NUPR2: variants seen among roughly 807,000 people sequenced by gnomAD.
NUPR2 encodes nuclear protein 2.
Under a neutral mutation model 7.3 loss-of-function variants are expected in NUPR2, and 14 were observed. That is an observed-to-expected ratio of 1.93 (90% CI 1.27 to 3.01). The LOEUF (loss-of-function observed/expected upper bound fraction) is 3.01. Among genes scored for constraint, NUPR2 ranks in the 30% most tolerant of loss-of-function variants. NUPR2 has a pLI of 0.00. For missense variants in NUPR2, 162 were observed against 143.7 expected, an observed-to-expected ratio of 1.13 and a Z score of -0.65; for synonymous variants, 56 against 59.7, an observed-to-expected ratio of 0.94 and a Z score of 0.29.
At chr7:56,115,445 G>GTATATATATATATA (rs59973051) in intron 1 of NUPR2, among the ~76,000 whole-genome samples, 3 of 36,528 alleles carry the variant, frequency 8.2e-5, no homozygotes, top group African/African-American at 4.1e-4. Context: ...GTGTGTGTGT[G>GTATATATATATATA]TGTGTGTGTG....
intron 1 of NUPR2, among the ~76,000 whole-genome samples, chr7:56,115,429 T>TTTGTGTGTG (rs1554376539): frequency 3.2e-5 from 1 of 31,000 alleles, no homozygotes; most frequent in Non-Finnish European, 5.4e-5. Context: ...ATATATATAT[T>TTTGTGTGTG]TGTGTGTGTG....
chr7:56,115,428 T>TATGTATATATACA (rs58684972), intron 1 of NUPR2, among the ~76,000 whole-genome samples: 1 of 45,926 alleles, frequency 2.2e-5, no homozygotes, highest in South Asian at 6.6e-4. Flanking sequence ...TATATATATA[T>TATGTATATATACA]TTGTGTGTGT....
chr7:56,115,419 A>G (rs7456418), intron 1 of NUPR2, among the ~76,000 whole-genome samples: 120 of 14,594 alleles, frequency 8.2e-3, no homozygotes, highest in East Asian at 0.032. Flanking sequence ...ATATATATAT[A>G]TATATATATT....
At position 56,114,860 on chromosome 7, in the gene NUPR2, G is replaced by A. The variant is rs746791636; in HGVS notation, c.*44C>T. Reference sequence around the variant, plus strand: ...CCTCCTCAGAACCAAGTTACAGTTGGAGTTACAGTAAATACTTCGAACAGG... The same window carrying A: ...CCTCCTCAGAACCAAGTTACAGTTGAAGTTACAGTAAATACTTCGAACAGG... On this transcript the variant is annotated 3_prime_UTR_variant, in exon 2 of 2. Transcript: ENST00000329309. 1 of 152,196 alleles carries A rather than the reference G, an allele frequency of 6.6e-6. No individual in the cohort carries two copies. The highest frequency in any genetic ancestry group is 1.5e-5 in the Non-Finnish European group (1 of 68,040). The allele number at this position is 152,196 out of a possible 1,614,324, so 9.4% of individuals were successfully genotyped here. A position where few individuals can be genotyped will look rare whatever the true frequency, so the allele number is the denominator to read the frequency against.
chr7:56,116,181 G>A lies in NUPR2; in HGVS notation c.134C>T (p.Ala45Val). 1 of 1,548,810 alleles carries A rather than the reference G, an allele frequency of 6.5e-7. No individual in the cohort carries two copies. Among genetic ancestry groups the A allele is most frequent in the Non-Finnish European group, 8.7e-7 (1 of 1,145,940 alleles). Residue 45 changes from alanine to valine, a missense_variant, in exon 1 of 2, where the codon GCA (alanine) becomes GTA (valine). By Grantham distance (64) the Ala-to-Val change is moderately conservative. Coordinates refer to ENST00000329309, the MANE Select transcript of NUPR2 (RefSeq NM_001145712.2). Reference sequence around the variant, plus strand: ...CCGAGTCCGGCCCTTGCTGCGCCCTGCCCCGCAGGCCGGGAAGTCGCGCAG... The same window carrying A: ...CCGAGTCCGGCCCTTGCTGCGCCCTACCCCGCAGGCCGGGAAGTCGCGCAG... ...YYLRDFPACG[A>V]GRSKGRTRRE...
intron 1 of NUPR2, among the ~76,000 whole-genome samples, chr7:56,115,429 T>TATATATATATATTTG (rs1554376538): frequency 3.2e-5 from 1 of 30,998 alleles, no homozygotes; most frequent in African/African-American, 1.5e-4. Context: ...ATATATATAT[T>TATATATATATATTTG]TGTGTGTGTG....
intron 1 of NUPR2, among the ~76,000 whole-genome samples, chr7:56,115,405 A>ATATATATATATACATATG: frequency 2.8e-5 from 1 of 35,200 alleles, no homozygotes; most frequent in African/African-American, 1.8e-4. Context: ...ATATATATAT[A>ATATATATATATACATATG]TATATATATA....
chr7:56,115,935 G>C, intron 1 of NUPR2, 80 bp downstream of exon 1: 6 of 1,268,666 alleles, frequency 4.7e-6, no homozygotes, highest in Non-Finnish European at 6.2e-6. Context: ...ACTCTGCCCA[G>C]GGCGAGCAGC....
chr7:56,115,405 A>ATG (rs1785522970), intron 1 of NUPR2, among the ~76,000 whole-genome samples: 2 of 35,202 alleles, frequency 5.7e-5, no homozygotes, highest in African/African-American at 3.6e-4. Flanking sequence ...ATATATATAT[A>ATG]TATATATATA....
At chr7:56,115,421 A>ATATACATATATATACG (rs1584650186) in intron 1 of NUPR2, among the ~76,000 whole-genome samples, 11 of 24,952 alleles carry the variant, frequency 4.4e-4, no homozygotes, top group South Asian at 3.0e-3. Context: ...ATATATATAT[A>ATATACATATATATACG]TATATATTTG....
chr7:56,115,712 C>T (rs990541401), intron 1 of NUPR2, among the ~76,000 whole-genome samples: 26 of 148,470 alleles, frequency 1.8e-4, no homozygotes, highest in Non-Finnish European at 2.7e-4. Flanking sequence ...CCTTGTGATC[C>T]GCCCGCCTCG....
rs1785523575 is a variant in NUPR2 at position 56,115,409 on chromosome 7, A to ATGTG, written c.*7-513_*7-512insCACA. On this transcript the variant is annotated intron_variant, in intron 1 of 1. Coordinates refer to ENST00000329309, the MANE Select transcript of NUPR2 (RefSeq NM_001145712.2). The stretch of plus-strand genomic sequence containing the variant: ...GGCTCGATCGCATATATATATATAT[A>ATGTG]TATATATATATATATATATTTGTGT... Among the ~76,000 whole-genome samples the ATGTG allele has an allele frequency of 1.8e-4, 7 of 38,560 alleles. 2 individuals carry two copies. The highest frequency in any genetic ancestry group is 3.0e-4 in the Non-Finnish European group (7 of 23,054). 25.3% of individuals were successfully genotyped at this position (38,560 alleles called of 152,430 possible).
rs57272607 is a variant in NUPR2, at chr7:56,115,625, T to TTATATATATATATATATATATATA, written c.*6+389_*6+390insTATATATATATATATATATATATA. 1.4e-3 allele frequency among the ~76,000 whole-genome samples: 146 copies of TTATATATATATATATATATATATA among 105,186 alleles called. 1 individual carries two copies. Among genetic ancestry groups the TTATATATATATATATATATATATA allele is most frequent in the Middle Eastern group, 4.2e-3 (1 of 238 alleles). The allele number at this position is 105,186 out of a possible 152,430, so 69.0% of individuals were successfully genotyped here. On this transcript the variant is annotated intron_variant, in intron 1 of 1. Coordinates refer to ENST00000329309, the MANE Select transcript of NUPR2 (RefSeq NM_001145712.2). ...CGCGCACCACAGTGCCTGGCTAATT[T>TTATATATATATATATATATATATA]TATATATATATATATATATATATTT...
intron 1 of NUPR2, among the ~76,000 whole-genome samples, chr7:56,115,429 T>TTTGTG (rs1554376539): frequency 2.9e-4 from 9 of 30,996 alleles, no homozygotes; most frequent in South Asian, 1.1e-3. Context: ...ATATATATAT[T>TTTGTG]TGTGTGTGTG....
At chr7:56,115,420 T>TGTATATATATAC (rs1785526206) in intron 1 of NUPR2, among the ~76,000 whole-genome samples, 2 of 52,206 alleles carry the variant, frequency 3.8e-5, no homozygotes, top group Admixed American at 2.1e-4. Context: ...TATATATATA[T>TGTATATATATAC]ATATATATTT....
intron 1 of NUPR2, among the ~76,000 whole-genome samples, chr7:56,115,190 C>A (rs1785519059): frequency 6.6e-6 from 1 of 151,748 alleles, no homozygotes; most frequent in Non-Finnish European, 1.5e-5. Context: ...TCTGCCTGGG[C>A]CTCCCAAAGT....
At position 56,116,270 on chromosome 7, in the gene NUPR2, C is replaced by CA; in HGVS notation, c.44dup (p.Ala16GlyfsTer97). 1.3e-6 allele frequency: 2 copies of CA among 1,526,784 alleles called. No homozygotes were observed. The highest frequency in any genetic ancestry group is 1.8e-6 in the Non-Finnish European group (2 of 1,137,848). 94.6% of individuals were successfully genotyped at this position (1,526,784 alleles called of 1,614,324 possible). ...AGCTTATGGGTGGCGGCGGCCGAGC[C>CA]AGAGCCTGCAGACGTGGAAGCGCCC... On this transcript the variant is annotated frameshift_variant, in exon 1 of 2. Transcript: ENST00000329309. LOFTEE classifies it high-confidence loss of function.
At chr7:56,115,411 A>ATACATATG (rs1562891761) in intron 1 of NUPR2, among the ~76,000 whole-genome samples, 3 of 27,382 alleles carry the variant, frequency 1.1e-4, no homozygotes, top group African/African-American at 4.8e-4. Context: ...ATATATATAT[A>ATACATATG]TATATATATA....
chr7:56,115,622 A>AC (rs2115619425), intron 1 of NUPR2, among the ~76,000 whole-genome samples: 1 of 52,010 alleles, frequency 1.9e-5, no homozygotes, highest in East Asian at 6.6e-4. Context: ...TGCCTGGCTA[A>AC]TTTTATATAT....
Sources: allele counts gnomAD v4.1 joint callset (sites outside exome capture counted in the v4.1 genomes callset), GRCh38; gene constraint gnomAD v4.1.1; transcripts MANE v1.5; gene names NCBI Gene and HGNC (gene_info 2026-07-23, HGNC 2026-07-21).